Variants in CA13 observed in about 807,000 individuals in gnomAD.
CA13 encodes the protein carbonic anhydrase 13, also known as CA-XIII.
In CA13, 21 loss-of-function variants were observed where a neutral mutation model predicts 31.5. That is an observed-to-expected ratio of 0.67 (90% confidence interval 0.47 to 0.96). The LOEUF (loss-of-function observed/expected upper bound fraction) is 0.96, where lower values mean the gene tolerates loss of function less well. Ranked by LOEUF, CA13 falls within the 40% of genes least tolerant of loss-of-function variation. The probability of loss-of-function intolerance (pLI) is 0.00; values close to 1 mark genes in which losing one functional copy is unlikely to be tolerated. For synonymous variants in CA13, 117 were observed against 111.4 expected (o/e 1.05, Z -0.32); for missense variants, 315 against 318.9 (o/e 0.99, Z 0.09).
chr8:85,268,738 T>A, intron 6 of CA13, 111 bp downstream of exon 6: 1 of 911,318 alleles, frequency 1.1e-6, no homozygotes, highest in Non-Finnish European at 1.6e-6. Context: ...GTCTGTTTTC[T>A]CTTTATTCAT....
chr8:85,261,255 A>T (rs951133029), intron 3 of CA13, among the ~76,000 whole-genome samples: 1 of 152,154 alleles, frequency 6.6e-6, no homozygotes, highest in Non-Finnish European at 1.5e-5. Flanking sequence ...AACATTACAG[A>T]TAATTATTTT....
At chr8:85,279,749 A>C (rs1281678567) in intron 6 of CA13, among the ~76,000 whole-genome samples, 2 of 152,204 alleles carry the variant, frequency 1.3e-5, no homozygotes, top group East Asian at 3.8e-4. Context: ...GAATTCCTGC[A>C]CAGCCATCTG....
chr8:85,246,110 A>C (rs952996817), intron 1 of CA13, among the ~76,000 whole-genome samples: 1 of 152,124 alleles, frequency 6.6e-6, no homozygotes, highest in Non-Finnish European at 1.5e-5. Context: ...GGATTCCCCA[A>C]ACTCCCAAGT....
At chr8:85,274,330 G>A (rs73688699) in intron 6 of CA13, among the ~76,000 whole-genome samples, 7,356 of 152,162 alleles carry the variant, frequency 0.048, 218 homozygotes, top group Non-Finnish European at 0.063. Flanking sequence ...CAGGAGCACC[G>A]TCTGGATTTT....
intron 6 of CA13, among the ~76,000 whole-genome samples, chr8:85,273,739 G>A (rs532665226): frequency 6.6e-6 from 1 of 151,952 alleles, no homozygotes; most frequent in Non-Finnish European, 1.5e-5. Context: ...TGGGGCTGAC[G>A]CCATAGGCCT....
chr8:85,249,996 A>T (rs1813798249), intron 1 of CA13: 1 of 244,212 alleles, frequency 4.1e-6, no homozygotes, highest in Admixed American at 5.7e-5. Context: ...GAGGACCAGG[A>T]TGATACCTTT....
chr8:85,249,187 C>T (rs1203035508), intron 1 of CA13, among the ~76,000 whole-genome samples: 1 of 152,064 alleles, frequency 6.6e-6, no homozygotes, highest in African/African-American at 2.4e-5. Flanking sequence ...AAAAATGAGG[C>T]ATAGTAAGCA....
chr8:85,257,321 G>A (rs767123031), intron 2 of CA13, among the ~76,000 whole-genome samples: 5 of 152,172 alleles, frequency 3.3e-5, no homozygotes, highest in African/African-American at 4.8e-5. Flanking sequence ...GAGTAAATGC[G>A]TGAGCAAACA....
chr8:85,269,587 TG>T (rs1435004283), intron 6 of CA13, among the ~76,000 whole-genome samples: 1 of 152,186 alleles, frequency 6.6e-6, no homozygotes, highest in Non-Finnish European at 1.5e-5. Context: ...AAACTTTTGT[TG>T]GGCTGTCTGA....
intron 3 of CA13, among the ~76,000 whole-genome samples, chr8:85,263,407 C>T (rs903625715): frequency 3.3e-5 from 5 of 152,006 alleles, no homozygotes; most frequent in Non-Finnish European, 1.5e-5. Context: ...GAGAGGAGGC[C>T]GCTGTCAGGC....
At chr8:85,256,943 T>TTC (rs966807396) in intron 2 of CA13, among the ~76,000 whole-genome samples, 3 of 151,942 alleles carry the variant, frequency 2.0e-5, no homozygotes, top group South Asian at 2.1e-4. Flanking sequence ...GTCCTTTGGT[T>TTC]TCTCTCTCTC....
chr8:85,248,334 G>A lies in CA13; in HGVS notation c.38-2406G>A, dbSNP rs775112103. On this transcript the variant is annotated intron_variant, in intron 1 of 6. Transcript: ENST00000321764. The stretch of plus-strand genomic sequence containing the variant: ...TAGCTGGGCGTGGTGGTGCGTGCCT[G>A]TAATCCCAGCTACTTGGGAGGCTGA... 2.0e-4 allele frequency among the ~76,000 whole-genome samples: 30 copies of A among 152,088 alleles called. 2 individuals are homozygous for A. The highest frequency in any genetic ancestry group is 6.8e-3 in the Middle Eastern group (2 of 294).
chr8:85,281,422 C>T lies in CA13; in HGVS notation c.*73C>T. On this transcript the variant is annotated 3_prime_UTR_variant, in exon 7 of 7. Coordinates refer to ENST00000321764, the MANE Select transcript of CA13 (RefSeq NM_198584.3). ...AAAACAAAACAAAGCACAAAAGTCT[C>T]TGCCAACAACTCTTTTGTGGAATTC... 2 of 1,551,034 alleles carry T rather than the reference C, an allele frequency of 1.3e-6. No homozygotes were observed. Among genetic ancestry groups the T allele is most frequent in the Middle Eastern group, 2.0e-4 (1 of 5,124 alleles).
intron 2 of CA13, among the ~76,000 whole-genome samples, chr8:85,258,688 C>G (rs1199140527): frequency 7.4e-6 from 1 of 134,402 alleles, no homozygotes; most frequent in African/African-American, 2.9e-5. Context: ...GTAATCCTAG[C>G]ACTTTGGGAG....
At chr8:85,254,957 A>G (rs1303827682) in intron 2 of CA13, among the ~76,000 whole-genome samples, 1 of 152,124 alleles carries the variant, frequency 6.6e-6, no homozygotes, top group Non-Finnish European at 1.5e-5. Context: ...ACAGGCATGA[A>G]ATCTTCCTCA....
At chr8:85,276,111 G>A (rs1197879557) in intron 6 of CA13, among the ~76,000 whole-genome samples, 4 of 152,162 alleles carry the variant, frequency 2.6e-5, no homozygotes, top group Non-Finnish European at 4.4e-5. Context: ...TTGCGGGCCA[G>A]CACGAGTTCC....
intron 2 of CA13, among the ~76,000 whole-genome samples, chr8:85,253,036 T>C (rs76057479): frequency 6.6e-6 from 1 of 151,678 alleles, no homozygotes. Flanking sequence ...ACCTCTGCCT[T>C]CCGGGTTCAA....
At chr8:85,269,601 G>T (rs566217324) in intron 6 of CA13, among the ~76,000 whole-genome samples, 1 of 152,210 alleles carries the variant, frequency 6.6e-6, no homozygotes, top group Middle Eastern at 3.4e-3. Flanking sequence ...CTGTCTGAGG[G>T]GCTTAATGCT....
chr8:85,275,090 A>C (rs557796077), intron 6 of CA13, among the ~76,000 whole-genome samples: 4 of 152,298 alleles, frequency 2.6e-5, no homozygotes, highest in Admixed American at 2.6e-4. Context: ...CCCACAGTGC[A>C]CTTAGGCTGG....
Sources: gnomAD v4.1 joint callset for allele counts (sites outside exome capture counted in the v4.1 genomes callset) on GRCh38, gnomAD v4.1.1 for gene constraint, MANE v1.5 for transcripts, NCBI Gene and HGNC (gene_info 2026-07-23, HGNC 2026-07-21) for gene names.